Variants in TMEM233 observed in about 807,000 individuals in gnomAD.
TMEM233 encodes transmembrane protein 233, also known as dispanin subfamily B member 2.
Under a neutral mutation model 11.2 loss-of-function variants are expected in TMEM233, and 6 were observed. The ratio of observed to expected loss-of-function variants is 0.54; its 90% confidence interval spans 0.29 to 1.06. The LOEUF (loss-of-function observed/expected upper bound fraction) is 1.06, where lower values mean the gene tolerates loss of function less well. Ranked by LOEUF, TMEM233 falls within the 50% of genes least tolerant of loss-of-function variation. The pLI is 0.08. For synonymous variants in TMEM233, 59 were observed against 55.8 expected (o/e 1.06, Z -0.26); for missense variants, 127 against 144.7 (o/e 0.88, Z 0.63).
intron 1 of TMEM233, among the ~76,000 whole-genome samples, chr12:119,617,103 C>T (rs1954553629): frequency 6.6e-6 from 1 of 152,008 alleles, no homozygotes; most frequent in Non-Finnish European, 1.5e-5. Flanking sequence ...AATGTGGAAG[C>T]AACTTTGGAA....
At chr12:119,644,763 G>A (rs1955129748), downstream of TMEM233, among the ~76,000 whole-genome samples, 1 of 152,158 alleles carries the variant, frequency 6.6e-6, no homozygotes, top group South Asian at 2.1e-4. Flanking sequence ...ACAGGTGTGA[G>A]CCACCACACC....
chr12:119,598,413 A>G (rs1954091491), intron 1 of TMEM233, among the ~76,000 whole-genome samples: 1 of 152,242 alleles, frequency 6.6e-6, no homozygotes, highest in Admixed American at 6.5e-5. Context: ...ATGGATACAC[A>G]ATAACCAATG....
the TMEM233 span, among the ~76,000 whole-genome samples, chr12:119,650,602 A>G: frequency 6.6e-6 from 1 of 151,222 alleles, no homozygotes; most frequent in Admixed American, 6.6e-5. Context: ...ATTATAACAC[A>G]TTCCTTTTGG....
chr12:119,627,522 G>A (rs553963261), intron 1 of TMEM233, among the ~76,000 whole-genome samples: 1 of 152,292 alleles, frequency 6.6e-6, no homozygotes, highest in African/African-American at 2.4e-5. Context: ...ATTGTGTCAT[G>A]TGGCAAGACA....
chr12:119,647,025 C>CCCCA (rs1414875369), downstream of TMEM233, among the ~76,000 whole-genome samples: 4 of 152,216 alleles, frequency 2.6e-5, no homozygotes, highest in African/African-American at 9.6e-5. Context: ...ACCCAACCCA[C>CCCCA]ACACCCAGTG....
intron 2 of TMEM233, among the ~76,000 whole-genome samples, chr12:119,637,009 G>A (rs1198269522): frequency 1.3e-5 from 2 of 152,154 alleles, no homozygotes; most frequent in African/African-American, 4.8e-5. Context: ...TGGGTTTAGG[G>A]TTCATGGCAT....
At chr12:119,633,512 A>G (rs1304528936) in intron 2 of TMEM233, among the ~76,000 whole-genome samples, 2 of 152,186 alleles carry the variant, frequency 1.3e-5, no homozygotes, top group African/African-American at 4.8e-5. Context: ...ACTTGAGTCC[A>G]GGAATTCAAG....
At chr12:119,635,914 C>T (rs975412681) in intron 2 of TMEM233, among the ~76,000 whole-genome samples, 1 of 152,166 alleles carries the variant, frequency 6.6e-6, no homozygotes, top group African/African-American at 2.4e-5. Flanking sequence ...GAGGAAGGGG[C>T]GTGGTGTTTC....
At chr12:119,635,643 C>T (rs1954958173) in intron 2 of TMEM233, among the ~76,000 whole-genome samples, 1 of 152,092 alleles carries the variant, frequency 6.6e-6, no homozygotes, top group Admixed American at 6.6e-5. Context: ...GAGTCAGATC[C>T]CACAGGTTAA....
At chr12:119,610,751 C>T (rs2136703695) in intron 1 of TMEM233, among the ~76,000 whole-genome samples, 1 of 152,280 alleles carries the variant, frequency 6.6e-6, no homozygotes, top group South Asian at 2.1e-4. Context: ...GAGTCAATTA[C>T]ACCTCTTTTC....
rs140768136 is a variant in TMEM233, at chr12:119,607,776, G to A, written c.186+13742G>A. On this transcript the variant is annotated intron_variant, in intron 1 of 2. Coordinates refer to ENST00000426426, the MANE Select transcript of TMEM233 (RefSeq NM_001136534.3). ...ACTACAGGCATGCATCACCACACCCGACTAATCTTTGTATTTCTTGCTGGT... is the reference window on the plus strand; with the variant it reads ...ACTACAGGCATGCATCACCACACCCAACTAATCTTTGTATTTCTTGCTGGT... Among the ~76,000 whole-genome samples the A allele has an allele frequency of 5.1e-3, 772 of 151,976 alleles. 10 individuals are homozygous for A. The highest frequency in any genetic ancestry group is 0.018 in the African/African-American group (735 of 41,446).
intron 1 of TMEM233, among the ~76,000 whole-genome samples, chr12:119,628,040 T>C (rs1467362941): frequency 2.6e-5 from 4 of 152,276 alleles, no homozygotes; most frequent in Admixed American, 6.5e-5. Flanking sequence ...TGCCCTGAGC[T>C]GCTGCTCTCA....
Position 119,629,821 on chromosome 12 carries a change from T to C in TMEM233, c.272T>C (p.Ile91Thr). The C allele has an allele frequency of 1.3e-6, 2 of 1,551,666 alleles. No individual in the cohort carries two copies. The highest frequency in any genetic ancestry group is 1.7e-6 in the Non-Finnish European group (2 of 1,146,976). ...AAGTGGGTAGCCATCGCCTCCATCA[T>C]CATTGGCCTTCTCATCATCGGCATT... ...NAKWVAIASI[I>T]IGLLIIGISC... Residue 91 changes from isoleucine to threonine, a missense_variant, in exon 2 of 3, where the codon ATC (isoleucine) becomes ACC (threonine). Physicochemically the swap from Ile to Thr is moderately conservative, Grantham distance 89. Coordinates refer to ENST00000426426, the MANE Select transcript of TMEM233 (RefSeq NM_001136534.3).
the TMEM233 span, among the ~76,000 whole-genome samples, chr12:119,651,870 G>A: frequency 1.4e-5 from 2 of 146,128 alleles, no homozygotes; most frequent in Non-Finnish European, 3.0e-5. Context: ...GTAAACAGTA[G>A]CTCTTAGAAA....
Position 119,629,843 on chromosome 12 carries a change from C to G in TMEM233, c.294C>G (p.Gly98=). Residue 98 remains glycine (G), a synonymous_variant, in exon 2 of 3, where the codon GGC becomes GGG. Coordinates refer to ENST00000426426, the MANE Select transcript of TMEM233 (RefSeq NM_001136534.3). ...ASIIIGLLII[G]ISCAVHFTRN... The stretch of plus-strand genomic sequence containing the variant: ...TCATCATTGGCCTTCTCATCATCGG[C>G]ATTTCTTGTGCAGTTCACTTCACAA... 6.4e-7 allele frequency: 1 copy of G among 1,551,660 alleles called. No individual in the cohort carries two copies. The highest frequency in any genetic ancestry group is 1.2e-5 in the South Asian group (1 of 84,040).
At chr12:119,629,894 CT>C in intron 2 of TMEM233, 22 bp downstream of exon 2, 1 of 1,545,114 alleles carries the variant, frequency 6.5e-7, no homozygotes, top group Non-Finnish European at 8.7e-7. Flanking sequence ...TTTTGAATCC[CT>C]CCCCATGTCA....
At chr12:119,596,928 A>G (rs941245624) in intron 1 of TMEM233, among the ~76,000 whole-genome samples, 1 of 152,268 alleles carries the variant, frequency 6.6e-6, no homozygotes, top group African/African-American at 2.4e-5. Flanking sequence ...TGCTAGGTAC[A>G]TGCAATAATT....
At chr12:119,652,969 A>G in the TMEM233 span, among the ~76,000 whole-genome samples, 1 of 152,234 alleles carries the variant, frequency 6.6e-6, no homozygotes, top group African/African-American at 2.4e-5. Context: ...GTCCCAAACC[A>G]TACCTTCGTA....
At chr12:119,618,251 T>TTCAGAGGATTTCAGA (rs1435949622) in intron 1 of TMEM233, among the ~76,000 whole-genome samples, 5 of 152,218 alleles carry the variant, frequency 3.3e-5, no homozygotes, top group African/African-American at 1.2e-4. Context: ...TGGAAATGCC[T>TTCAGAGGATTTCAGA]GGATGTCCAG....
Sources: allele counts gnomAD v4.1 joint callset (sites outside exome capture counted in the v4.1 genomes callset), GRCh38; gene constraint gnomAD v4.1.1; transcripts MANE v1.5; gene names NCBI Gene and HGNC (gene_info 2026-07-23, HGNC 2026-07-21).